Variants in OLA1 observed in about 807,000 individuals in gnomAD.
OLA1 encodes the protein obg-like ATPase 1.
OLA1 carries 14 observed loss-of-function variants against 48.4 expected under a neutral mutation model. The ratio of observed to expected loss-of-function variants is 0.29; its 90% CI spans 0.19 to 0.45. The LOEUF (loss-of-function observed/expected upper bound fraction) is 0.45. Among genes scored for constraint, OLA1 ranks in the 20% least tolerant of loss-of-function variants. The probability of loss-of-function intolerance (pLI) is 1.00; values close to 1 mark genes in which losing one functional copy is unlikely to be tolerated. For missense variants in OLA1, 325 were observed against 467.1 expected (o/e 0.70, Z 2.80); for synonymous variants, 127 against 150.4 (o/e 0.84, Z 1.14).
At chr2:174,246,888 T>A in intron 1 of OLA1, 73 bp from the exon 2 acceptor site, 1 of 795,732 alleles carries the variant, frequency 1.3e-6, no homozygotes, top group Admixed American at 2.3e-5. Context: ...TTTCATCACA[T>A]ACAATATATT....
At chr2:174,076,854 TAA>T (rs1375866082) in intron 10 of OLA1, among the ~76,000 whole-genome samples, 1 of 151,788 alleles carries the variant, frequency 6.6e-6, no homozygotes, top group Non-Finnish European at 1.5e-5. Context: ...CATGTTTTTA[TAA>T]AGACATGCAA....
intron 4 of OLA1, among the ~76,000 whole-genome samples, chr2:174,154,723 AAC>A (rs1686831826): frequency 6.6e-6 from 1 of 152,210 alleles, no homozygotes; most frequent in Admixed American, 6.5e-5. Flanking sequence ...AAAAAATGCA[AAC>A]ACAGAAATTA....
rs567115372 is a variant in OLA1 at position 174,172,640 on chromosome 2, G to T, written c.374-30640C>A. ...AGTCTAGAGAGGACAGAAATGAAGAGGATAGGGAAAAATCAAGGAGATGAT... is the reference window on the plus strand; with the variant it reads ...AGTCTAGAGAGGACAGAAATGAAGATGATAGGGAAAAATCAAGGAGATGAT... On this transcript the variant is annotated intron_variant, in intron 4 of 10. Transcript: ENST00000284719. 8.7e-4 allele frequency: 138 copies of T among 159,270 alleles called. 1 individual carries two copies. The highest frequency in any genetic ancestry group is 3.2e-3 in the African/African-American group (135 of 41,798). The allele number at this position is 159,270 out of a possible 1,614,324, so 9.9% of individuals were successfully genotyped here.
intron 4 of OLA1, among the ~76,000 whole-genome samples, chr2:174,174,596 G>T (rs373327480): frequency 6.6e-6 from 1 of 151,804 alleles, no homozygotes; most frequent in African/African-American, 2.4e-5. Context: ...AACACCTAGG[G>T]ATAAAATTAA....
At chr2:174,144,143 C>A (rs990689602) in intron 4 of OLA1, among the ~76,000 whole-genome samples, 12 of 151,896 alleles carry the variant, frequency 7.9e-5, no homozygotes, top group South Asian at 2.1e-4. Context: ...CCAAAAAAAA[C>A]CAAATTATTT....
chr2:174,122,411 C>T (rs1319097733), intron 7 of OLA1, among the ~76,000 whole-genome samples: 1 of 152,100 alleles, frequency 6.6e-6, no homozygotes, highest in Admixed American at 6.5e-5. Context: ...CATCTAAGTA[C>T]TTAATGAAGT....
chr2:174,158,980 T>C (rs1686951489), intron 4 of OLA1, among the ~76,000 whole-genome samples: 2 of 152,248 alleles, frequency 1.3e-5, no homozygotes, highest in African/African-American at 4.8e-5. Context: ...ATCTGATGAC[T>C]GTATGTTATG....
Position 174,081,247 on chromosome 2 carries a change from C to T in OLA1, c.871G>A (p.Ala291Thr). Residue 291 changes from alanine to threonine, a missense_variant and splice_region_variant, in exon 9 of 11, where the codon GCT (alanine) becomes ACT (threonine). Ala to Thr is a moderately conservative substitution (Grantham distance 58). Transcript: ENST00000284719. Reference sequence around the variant, plus strand: ...CCAGCCTTAATGATCTTTGGCAAAGCACTGAAATCAAATGAAACAAATTCA... The same window carrying T: ...CCAGCCTTAATGATCTTTGGCAAAGTACTGAAATCAAATGAAACAAATTCA... ...KYLEANMTQS[A>T]LPKIIKAGFA... 1 of 1,609,506 alleles carries T rather than the reference C, an allele frequency of 6.2e-7. No homozygotes were observed. The highest frequency in any genetic ancestry group is 8.5e-7 in the Non-Finnish European group (1 of 1,177,934).
chr2:174,092,068 A>C (rs1685137220), intron 7 of OLA1, among the ~76,000 whole-genome samples: 1 of 149,008 alleles, frequency 6.7e-6, no homozygotes, highest in African/African-American at 2.5e-5. Context: ...CGGAGGTTGC[A>C]GTGAGCCAAG....
chr2:174,223,723 G>C (rs1239378400), intron 3 of OLA1, among the ~76,000 whole-genome samples: 5 of 142,990 alleles, frequency 3.5e-5, no homozygotes, highest in Non-Finnish European at 7.5e-5. Context: ...TTCAAACACA[G>C]GCTGTCTGGG....
At chr2:174,084,330 T>C (rs542030741) in intron 7 of OLA1, among the ~76,000 whole-genome samples, 2 of 152,296 alleles carry the variant, frequency 1.3e-5, no homozygotes, top group African/African-American at 4.8e-5. Context: ...CGTAGCACTC[T>C]CCCGTAAAGT....
chr2:174,213,471 T>A (rs1295941632), intron 4 of OLA1, among the ~76,000 whole-genome samples: 5 of 152,100 alleles, frequency 3.3e-5, no homozygotes, highest in Middle Eastern at 6.8e-3. Context: ...GAATCTTTAC[T>A]CAGTGATCTT....
chr2:174,198,431 A>G (rs563697284), intron 4 of OLA1, among the ~76,000 whole-genome samples: 28 of 152,322 alleles, frequency 1.8e-4, no homozygotes, highest in African/African-American at 6.5e-4. Context: ...CAAATAACTT[A>G]AAGCAGGGGT....
intron 7 of OLA1, among the ~76,000 whole-genome samples, chr2:174,107,402 G>A (rs1685540537): frequency 6.6e-6 from 1 of 152,096 alleles, no homozygotes; most frequent in African/African-American, 2.4e-5. Context: ...TTCCCACAGT[G>A]GGACTTACAG....
chr2:174,149,519 C>A (rs992133079), intron 4 of OLA1, among the ~76,000 whole-genome samples: 1 of 152,110 alleles, frequency 6.6e-6, no homozygotes. Context: ...GTTATATAAA[C>A]CGTTTCTAAT....
intron 4 of OLA1, among the ~76,000 whole-genome samples, chr2:174,208,098 G>A (rs768565997): frequency 6.6e-6 from 1 of 152,070 alleles, no homozygotes; most frequent in South Asian, 2.1e-4. Context: ...TATCATCCAC[G>A]ACTTTATAAA....
intron 7 of OLA1, among the ~76,000 whole-genome samples, chr2:174,116,380 G>A (rs1685783315): frequency 6.6e-6 from 1 of 152,134 alleles, no homozygotes; most frequent in Admixed American, 6.6e-5. Context: ...TGCTTTCTAG[G>A]TCAATTTAGA....
chr2:174,149,427 T>TC (rs1490385908), intron 4 of OLA1, among the ~76,000 whole-genome samples: 1 of 152,172 alleles, frequency 6.6e-6, no homozygotes, highest in Non-Finnish European at 1.5e-5. Flanking sequence ...TAACAGAATC[T>TC]CCAACTCAGA....
chr2:174,208,081 T>A (rs1688157448), intron 4 of OLA1, among the ~76,000 whole-genome samples: 1 of 152,196 alleles, frequency 6.6e-6, no homozygotes, highest in African/African-American at 2.4e-5. Context: ...AGTTCACCTA[T>A]AACCTTTATC....
Sources: allele counts gnomAD v4.1 joint callset (sites outside exome capture counted in the v4.1 genomes callset), GRCh38; gene constraint gnomAD v4.1.1; transcripts MANE v1.5; gene names NCBI Gene and HGNC (gene_info 2026-07-23, HGNC 2026-07-21).